The following TP53I11 variants were observed in gnomAD, a reference collection of about 807,000 sequenced individuals.
TP53I11 encodes tumor protein p53 inducible protein 11.
A neutral mutation model predicts 23.3 loss-of-function variants in TP53I11; 9 were observed. The observed-to-expected ratio is 0.39, with a 90% CI of 0.23 to 0.67. The LOEUF is 0.67. Among genes scored for constraint, TP53I11 ranks in the 30% least tolerant of loss-of-function variants. TP53I11 has a pLI of 0.48. For synonymous variants in TP53I11, 100 were observed against 106.1 expected (o/e 0.94, Z 0.35); for missense variants, 170 against 255.2 (o/e 0.67, Z 2.27).
Position 44,935,676 on chromosome 11 carries a change from TG to T in TP53I11, c.335-15del. On this transcript the variant is annotated splice_polypyrimidine_tract_variant and intron_variant, in intron 5 of 6. Coordinates refer to ENST00000525680, the MANE Select transcript of TP53I11 (RefSeq NM_006034.5). ...TCAGGGAGATGCCTGGGGCGGGGGA[TG>T]AAAAGGGGGCTGGGGGTGGGACAGC... 5.0e-6 allele frequency: 7 copies of T among 1,387,092 alleles called. No homozygotes were observed. The Admixed American group carries it at 6.6e-5, about 13-fold the overall frequency. 85.9% of individuals were successfully genotyped at this position (1,387,092 alleles called of 1,614,324 possible).
intron 1 of TP53I11, chr11:44,950,051 C>G (rs1359548543): frequency 1.3e-5 from 2 of 152,280 alleles, no homozygotes; most frequent in Non-Finnish European, 2.9e-5. Flanking sequence ...CCGGGTTCTC[C>G]GGCCCAGGGC....
intron 1 of TP53I11, among the ~76,000 whole-genome samples, chr11:44,942,453 C>T (rs149328233): frequency 1.7e-5 from 2 of 119,808 alleles, no homozygotes; most frequent in African/African-American, 3.0e-5. Context: ...CACACACACA[C>T]ACACACACAT....
chr11:44,940,136 G>C (rs543033720), intron 1 of TP53I11, among the ~76,000 whole-genome samples: 1 of 152,322 alleles, frequency 6.6e-6, no homozygotes, highest in South Asian at 2.1e-4. Flanking sequence ...CGTCCCTCCC[G>C]TGGCCAGGCG....
chr11:44,936,193 T>C lies in TP53I11; in HGVS notation c.335-531A>G. The stretch of plus-strand genomic sequence containing the variant: ...CCTCTAGCAGGCCCCGCCCACCCAG[T>C]GTCTGCTGGTACCAGACATGCCACT... On this transcript the variant is annotated intron_variant, in intron 5 of 6. Transcript: ENST00000525680. This position sits in a 1 kb window ranked among gnomAD's most constrained non-coding sequence, Gnocchi z 4.4. 2.0e-6 allele frequency: 2 copies of C among 1,016,392 alleles called. No homozygotes were observed. The highest frequency in any genetic ancestry group is 2.4e-6 in the Non-Finnish European group (2 of 850,636). The allele number at this position is 1,016,392 out of a possible 1,614,324, so 63.0% of individuals were successfully genotyped here.
At chr11:44,935,871 G>T (rs1247170502) in intron 5 of TP53I11, 4 of 594,892 alleles carry the variant, frequency 6.7e-6, no homozygotes, top group Non-Finnish European at 1.2e-5. Flanking sequence ...GCTTCAGCCT[G>T]CTCCTGTCAT....
At position 44,946,984 on chromosome 11, in the gene TP53I11, AC is replaced by A. The variant is rs1313492098; in HGVS notation, c.-32+3692del. On this transcript the variant is annotated intron_variant, in intron 1 of 6. Transcript: ENST00000525680. ...TTCCAGAAAGGCAGAGGAAAGCCCA[AC>A]CTTTCATCAGAAACATTTCCAAAGC... 4 of 455,886 alleles carry A rather than the reference AC, an allele frequency of 8.8e-6. No individual in the cohort carries two copies. The East Asian group carries it at 2.8e-4, about 32-fold the overall frequency. 28.2% of individuals were successfully genotyped at this position (455,886 alleles called of 1,614,324 possible).
intron 6 of TP53I11, 103 bp from the exon 7 acceptor site, chr11:44,935,120 G>T: frequency 1.3e-6 from 2 of 1,541,724 alleles, no homozygotes; most frequent in East Asian, 2.3e-5. Context: ...CCCTGACTTT[G>T]CTCTGAGCCC....
chr11:44,938,102 C>A, intron 2 of TP53I11, 105 bp downstream of exon 2: 1 of 1,424,324 alleles, frequency 7.0e-7, no homozygotes, highest in South Asian at 1.5e-5. Context: ...TCAGCTAAGT[C>A]CTAGAACTCC....
intron 1 of TP53I11, among the ~76,000 whole-genome samples, chr11:44,949,027 G>A (rs1036564415): frequency 1.3e-5 from 2 of 152,234 alleles, no homozygotes; most frequent in African/African-American, 4.8e-5. Context: ...GGAAGTTGAC[G>A]ACATGTGACT....
rs980040518 is a variant in TP53I11 at position 44,933,772 on chromosome 11, T to C, written c.*1112A>G. 6.6e-6 allele frequency: 1 copy of C among 152,270 alleles called. No individual in the cohort carries two copies. Among genetic ancestry groups the C allele is most frequent in the African/African-American group, 2.4e-5 (1 of 41,402 alleles). 9.4% of individuals were successfully genotyped at this position (152,270 alleles called of 1,614,324 possible). ...TTTCTACTTATTTCCTGTGCTGAGTTGGAGGGCCACCTGATCCCACTCAGC... is the reference window on the plus strand; with the variant it reads ...TTTCTACTTATTTCCTGTGCTGAGTCGGAGGGCCACCTGATCCCACTCAGC... On this transcript the variant is annotated 3_prime_UTR_variant, in exon 7 of 7. Coordinates refer to ENST00000525680, the MANE Select transcript of TP53I11 (RefSeq NM_006034.5).
In TP53I11 at chr11:44,933,633, G is replaced by C. The variant is rs951229527; in HGVS notation, c.*1251C>G. ...GGCGGTGGGTATGCAGCACAGGCTG[G>C]TGGGCCCTCAGAGGCAGGGCAGGGG... is the stretch of plus-strand genomic sequence containing the variant. On this transcript the variant is annotated 3_prime_UTR_variant, in exon 7 of 7. Transcript: ENST00000525680. 6 of 154,608 alleles carry C rather than the reference G, an allele frequency of 3.9e-5. No individual in the cohort carries two copies. The highest frequency in any genetic ancestry group is 9.6e-5 in the African/African-American group (4 of 41,474). 9.6% of individuals were successfully genotyped at this position (154,608 alleles called of 1,614,324 possible).
intron 1 of TP53I11, among the ~76,000 whole-genome samples, chr11:44,944,819 A>G (rs1862232571): frequency 6.6e-6 from 1 of 152,248 alleles, no homozygotes; most frequent in Non-Finnish European, 1.5e-5. Context: ...TGTAAAGGAC[A>G]GCAATTAATA....
At chr11:44,944,582 TGACA>T (rs1394776926) in intron 1 of TP53I11, among the ~76,000 whole-genome samples, 4 of 152,144 alleles carry the variant, frequency 2.6e-5, no homozygotes, top group African/African-American at 4.8e-5. Context: ...CAGAAGAGGA[TGACA>T]GACAGGGAGG....
intron 1 of TP53I11, among the ~76,000 whole-genome samples, chr11:44,948,063 G>C (rs1343427213): frequency 6.6e-6 from 1 of 152,096 alleles, no homozygotes; most frequent in Non-Finnish European, 1.5e-5. Flanking sequence ...AGAGAGCAAG[G>C]GTCACTTTGG....
Position 44,938,296 on chromosome 11 carries a change from T to C in TP53I11, c.40A>G (p.Ser14Gly). Reference sequence around the variant, plus strand: ...AGGCGGCTCACGAGGTCCGTCTGGCTGTGCTTCTTCATCAGAGGCGGGGGC... The same window carrying C: ...AGGCGGCTCACGAGGTCCGTCTGGCCGTGCTTCTTCATCAGAGGCGGGGGC... ...KQPPPLMKKH[S>G]QTDLVSRLKT... Residue 14 changes from serine to glycine, a missense_variant, in exon 2 of 7, where the codon AGC becomes GGC. Transcript: ENST00000525680. 6.2e-7 allele frequency: 1 copy of C among 1,612,310 alleles called. No individual in the cohort carries two copies. The highest frequency in any genetic ancestry group is 8.5e-7 in the Non-Finnish European group (1 of 1,179,376).
chr11:44,950,078 C>T (rs967975760), intron 1 of TP53I11: 1 of 152,266 alleles, frequency 6.6e-6, no homozygotes, highest in African/African-American at 2.4e-5. Context: ...CCCCAGGCCC[C>T]CACCCCAGAA....
chr11:44,946,510 G>A (rs369537425), intron 1 of TP53I11, among the ~76,000 whole-genome samples: 6 of 152,352 alleles, frequency 3.9e-5, no homozygotes, highest in East Asian at 1.9e-4. Context: ...GGAACTGGCC[G>A]GGAGAGGCAG....
At chr11:44,941,377 G>T (rs1861736542) in intron 1 of TP53I11, among the ~76,000 whole-genome samples, 1 of 152,164 alleles carries the variant, frequency 6.6e-6, no homozygotes, top group Admixed American at 6.5e-5. Flanking sequence ...ATAATGGACA[G>T]ACAGTGCTTT....
rs376698519 is a variant in TP53I11 at position 44,936,867 on chromosome 11, C to G, written c.270G>C (p.Ala90=). ...ALAFPDQLYD[A]VFDGAQVTSK... ...TGGTCACCTGGGCTCCATCAAAGAC[C>G]GCATCATAGAGCTGGTCAGGGAAGG... The change falls in exon 5 of 7, where the codon GCG becomes GCC. Residue 90 remains alanine, a synonymous_variant. Coordinates refer to ENST00000525680, the MANE Select transcript of TP53I11 (RefSeq NM_006034.5). The surrounding 1 kb of genome is among the most constrained non-coding windows in gnomAD (Gnocchi z 4.4). The G allele has an allele frequency of 6.8e-6, 11 of 1,609,168 alleles. No individual in the cohort carries two copies. Among genetic ancestry groups the G allele is most frequent in the Non-Finnish European group, 8.5e-6 (10 of 1,178,462 alleles).
Sources: allele counts gnomAD v4.1 joint callset (sites outside exome capture counted in the v4.1 genomes callset), GRCh38; gene constraint gnomAD v4.1.1; non-coding constraint Gnocchi (gnomAD v3.1); transcripts MANE v1.5; gene names NCBI Gene and HGNC (gene_info 2026-07-23, HGNC 2026-07-21).